Variants in NYAP2 observed in about 807,000 individuals in gnomAD.
NYAP2 encodes the protein neuronal tyrosine-phosphorylated phosphoinositide-3-kinase adapter 2.
In NYAP2, 23 loss-of-function variants were observed where a neutral mutation model predicts 50.4. The ratio of observed to expected loss-of-function variants is 0.46; its 90% CI spans 0.33 to 0.65. NYAP2 has a LOEUF of 0.65. Ranked by LOEUF, NYAP2 falls within the 30% of genes least tolerant of loss-of-function variation. NYAP2 has a pLI of 0.02. For synonymous variants in NYAP2, 394 were observed against 365.2 expected, an observed-to-expected ratio of 1.08 and a Z score of -0.90; for missense variants, 885 against 861.0, an observed-to-expected ratio of 1.03 and a Z score of -0.35.
chr2:225,678,074 A>G, the NYAP2 span, among the ~76,000 whole-genome samples: 10 of 152,080 alleles, frequency 6.6e-5, no homozygotes, highest in Middle Eastern at 6.8e-3. Flanking sequence ...TGTTTTTTTA[A>G]TTATTGATTC....
At chr2:225,545,296 G>A (rs181265211) in intron 4 of NYAP2, among the ~76,000 whole-genome samples, 7 of 151,942 alleles carry the variant, frequency 4.6e-5, no homozygotes, top group East Asian at 1.9e-4. Flanking sequence ...CTTTCTCTAC[G>A]TCCTCTTTAA....
At chr2:225,445,467 T>C (rs1046678160) in intron 3 of NYAP2, among the ~76,000 whole-genome samples, 1 of 152,036 alleles carries the variant, frequency 6.6e-6, no homozygotes, top group African/African-American at 2.4e-5. Context: ...GATCTTAGAA[T>C]TGTAGAATGA....
At chr2:225,448,332 T>C (rs1474990737) in intron 3 of NYAP2, among the ~76,000 whole-genome samples, 2 of 152,148 alleles carry the variant, frequency 1.3e-5, no homozygotes, top group Non-Finnish European at 2.9e-5. Context: ...AGCTTCACAC[T>C]TGAAAGCGAC....
At chr2:225,477,910 T>TGGAGGA (rs1690144558) in intron 3 of NYAP2, among the ~76,000 whole-genome samples, 1 of 151,954 alleles carries the variant, frequency 6.6e-6, no homozygotes, top group African/African-American at 2.4e-5. Context: ...CATGGCCTAG[T>TGGAGGA]GGAGGAGGAG....
At chr2:225,458,022 T>C (rs1027514122) in intron 3 of NYAP2, among the ~76,000 whole-genome samples, 6 of 152,088 alleles carry the variant, frequency 3.9e-5, no homozygotes, top group African/African-American at 1.4e-4. Flanking sequence ...TTTAGTTACC[T>C]GGTTGTTACA....
At chr2:225,604,011 T>C (rs1029158718) in intron 5 of NYAP2, among the ~76,000 whole-genome samples, 1 of 152,134 alleles carries the variant, frequency 6.6e-6, no homozygotes, top group South Asian at 2.1e-4. Context: ...ATCAGTAACA[T>C]CAGAAATAAG....
intron 4 of NYAP2, among the ~76,000 whole-genome samples, chr2:225,574,456 C>T (rs1326834712): frequency 6.6e-6 from 1 of 152,148 alleles, no homozygotes; most frequent in Non-Finnish European, 1.5e-5. Context: ...CTTGATTTTG[C>T]TCTCTAAGCT....
chr2:225,591,949 AT>A (rs1419449179), intron 5 of NYAP2, among the ~76,000 whole-genome samples: 2 of 152,150 alleles, frequency 1.3e-5, no homozygotes, highest in Non-Finnish European at 2.9e-5. Flanking sequence ...ACTTTGGAAT[AT>A]CCCAGTCACT....
intron 4 of NYAP2, among the ~76,000 whole-genome samples, chr2:225,515,249 G>A (rs996732742): frequency 6.6e-6 from 1 of 152,206 alleles, no homozygotes; most frequent in African/African-American, 2.4e-5. Flanking sequence ...TGAATAATAT[G>A]TATGTGTTTG....
At chr2:225,541,180 C>T (rs1691464019) in intron 4 of NYAP2, among the ~76,000 whole-genome samples, 1 of 152,010 alleles carries the variant, frequency 6.6e-6, no homozygotes, top group Non-Finnish European at 1.5e-5. Flanking sequence ...CTTATATATT[C>T]AGGTTTTAAA....
At chr2:225,667,879 A>T in the NYAP2 span, among the ~76,000 whole-genome samples, 1 of 152,076 alleles carries the variant, frequency 6.6e-6, no homozygotes, top group South Asian at 2.1e-4. Context: ...ACAGTTTTTT[A>T]AAATAATGTC....
intron 3 of NYAP2, among the ~76,000 whole-genome samples, chr2:225,430,258 T>C (rs571790214): frequency 6.6e-6 from 1 of 152,236 alleles, no homozygotes; most frequent in Non-Finnish European, 1.5e-5. Flanking sequence ...CAGGACCTTA[T>C]TAATTTCCCC....
chr2:225,569,654 G>C (rs1692031594), intron 4 of NYAP2, among the ~76,000 whole-genome samples: 1 of 152,174 alleles, frequency 6.6e-6, no homozygotes, highest in South Asian at 2.1e-4. Context: ...TAAATGCACA[G>C]ACTCATTGTC....
the NYAP2 span, among the ~76,000 whole-genome samples, chr2:225,679,317 G>T: frequency 6.6e-6 from 1 of 151,926 alleles, no homozygotes; most frequent in African/African-American, 2.4e-5. Context: ...ATTATATATG[G>T]TGCAGAGAGC....
chr2:225,589,574 G>A lies in NYAP2; in HGVS notation c.1618+6539G>A, dbSNP rs754641120. Among the ~76,000 whole-genome samples, 37 of 138,416 alleles carry A rather than the reference G, an allele frequency of 2.7e-4. 1 individual carries two copies. The highest frequency in any genetic ancestry group is 4.0e-4 in the Non-Finnish European group (26 of 64,640). 90.8% of individuals were successfully genotyped at this position (138,416 alleles called of 152,430 possible). ...GCTGGGTGTGGTGTCACATGCCTGC[G>A]GTCCTAGGTCCTTGGGAGGCTAAAG... On this transcript the variant is annotated intron_variant, in intron 5 of 6. Transcript: ENST00000636099.
intron 5 of NYAP2, among the ~76,000 whole-genome samples, chr2:225,608,435 G>C (rs1692827031): frequency 6.6e-6 from 1 of 152,054 alleles, no homozygotes; most frequent in Non-Finnish European, 1.5e-5. Context: ...CTTTAAAACT[G>C]ATGGCATCAT....
chr2:225,481,090 A>C (rs1690199176), intron 3 of NYAP2, among the ~76,000 whole-genome samples: 1 of 152,136 alleles, frequency 6.6e-6, no homozygotes, highest in Admixed American at 6.5e-5. Flanking sequence ...TCAAAGGGAA[A>C]ACTCAGAGAA....
At chr2:225,552,249 A>G (rs59685410) in intron 4 of NYAP2, among the ~76,000 whole-genome samples, 4,188 of 152,306 alleles carry the variant, frequency 0.027, 182 homozygotes, top group African/African-American at 0.094. Flanking sequence ...TCATAAATAT[A>G]AAAACGATAC....
the NYAP2 span, among the ~76,000 whole-genome samples, chr2:225,680,082 C>T: frequency 2.0e-5 from 3 of 152,188 alleles, no homozygotes; most frequent in Non-Finnish European, 2.9e-5. Context: ...TCCCTCTTCA[C>T]ACTTTCCCTT....
Sources: gnomAD v4.1 joint callset for allele counts (sites outside exome capture counted in the v4.1 genomes callset) on GRCh38, gnomAD v4.1.1 for gene constraint, MANE v1.5 for transcripts, NCBI Gene and HGNC (gene_info 2026-07-23, HGNC 2026-07-21) for gene names.